Variants in NYAP2 observed in about 807,000 individuals in gnomAD.
The protein encoded by NYAP2 is neuronal tyrosine-phosphorylated phosphoinositide-3-kinase adaptor 2.
A neutral mutation model predicts 50.4 loss-of-function variants in NYAP2; 23 were observed. That is an observed-to-expected ratio of 0.46 (90% confidence interval 0.33 to 0.65). The LOEUF (loss-of-function observed/expected upper bound fraction) is 0.65, where lower values mean the gene tolerates loss of function less well. Among genes scored for constraint, NYAP2 ranks in the 30% least tolerant of loss-of-function variants. The probability of loss-of-function intolerance (pLI) is 0.02; values close to 1 mark genes in which losing one functional copy is unlikely to be tolerated. For missense variants in NYAP2, 885 were observed against 861.0 expected (o/e 1.03, Z -0.35); for synonymous variants, 394 against 365.2 (o/e 1.08, Z -0.90).
chr2:225,698,899 C>T, the NYAP2 span: 2 of 151,448 alleles, frequency 1.3e-5, no homozygotes, highest in Non-Finnish European at 2.9e-5. Context: ...ATATGTAATC[C>T]CTTGATGCCT....
chr2:225,638,669 G>A (rs1156543705), intron 6 of NYAP2, among the ~76,000 whole-genome samples: 1 of 152,122 alleles, frequency 6.6e-6, no homozygotes, highest in Admixed American at 6.5e-5. Flanking sequence ...ATCAGAGGAG[G>A]CCTTCAGGGA....
chr2:225,650,441 C>T (rs1693710593), intron 6 of NYAP2, among the ~76,000 whole-genome samples: 2 of 152,078 alleles, frequency 1.3e-5, no homozygotes, highest in South Asian at 2.1e-4. Context: ...ATTTTTAGGT[C>T]AAGTTTATAA....
intron 5 of NYAP2, among the ~76,000 whole-genome samples, chr2:225,607,185 A>G (rs1692800959): frequency 6.6e-6 from 1 of 152,064 alleles, no homozygotes; most frequent in Non-Finnish European, 1.5e-5. Context: ...AGAATTTAAG[A>G]TCCAGAAGGC....
intron 5 of NYAP2, among the ~76,000 whole-genome samples, chr2:225,620,694 A>G: frequency 6.6e-6 from 1 of 152,178 alleles, no homozygotes; most frequent in South Asian, 2.1e-4. Flanking sequence ...CCTAAAATTT[A>G]CTGAAGACTA....
chr2:225,671,905 C>T, the NYAP2 span, among the ~76,000 whole-genome samples: 1 of 151,070 alleles, frequency 6.6e-6, no homozygotes, highest in African/African-American at 2.4e-5. Context: ...GAAAGGAATT[C>T]TTTTTTTTTC....
At chr2:225,689,363 G>C in the NYAP2 span, among the ~76,000 whole-genome samples, 73 of 152,112 alleles carry the variant, frequency 4.8e-4, no homozygotes, top group Non-Finnish European at 8.5e-4. Context: ...TAATTGGTAA[G>C]GTAAGCAAGC....
chr2:225,491,362 G>T (rs983645664), intron 3 of NYAP2, among the ~76,000 whole-genome samples: 1 of 152,082 alleles, frequency 6.6e-6, no homozygotes, highest in African/African-American at 2.4e-5. Context: ...CCATCATTAG[G>T]CTTCTGGGTC....
intron 3 of NYAP2, among the ~76,000 whole-genome samples, chr2:225,485,460 T>C (rs1186326943): frequency 6.6e-6 from 1 of 152,184 alleles, no homozygotes; most frequent in Non-Finnish European, 1.5e-5. Context: ...CCCAGCAGCA[T>C]TTTTAGAAAG....
intron 3 of NYAP2, among the ~76,000 whole-genome samples, chr2:225,512,790 C>G (rs1690844859): frequency 8.3e-6 from 1 of 120,370 alleles, no homozygotes; most frequent in Non-Finnish European, 1.6e-5. Flanking sequence ...TTCCCTCTTT[C>G]CCTCCCTCCC....
At chr2:225,441,902 A>G (rs1426471508) in intron 3 of NYAP2, among the ~76,000 whole-genome samples, 2 of 152,202 alleles carry the variant, frequency 1.3e-5, no homozygotes, top group South Asian at 2.1e-4. Context: ...TACCTATGTC[A>G]TACATACCCA....
intron 3 of NYAP2, among the ~76,000 whole-genome samples, chr2:225,430,146 G>A (rs951677271): frequency 3.3e-5 from 5 of 151,720 alleles, no homozygotes; most frequent in Non-Finnish European, 7.4e-5. Context: ...TCTTTTAGAT[G>A]TAGAATACAA....
intron 3 of NYAP2, among the ~76,000 whole-genome samples, chr2:225,499,152 T>G (rs1160497658): frequency 6.6e-6 from 1 of 151,852 alleles, no homozygotes; most frequent in Non-Finnish European, 1.5e-5. Context: ...TAGGACAAAT[T>G]GGAAAAATGT....
exon 7 of NYAP2, chr2:225,653,896 G>C (rs1456881509): frequency 1.3e-5 from 2 of 152,162 alleles, no homozygotes; most frequent in African/African-American, 4.8e-5. Context: ...GCGGGCGCCT[G>C]TAGTCCCAGC....
chr2:225,647,870 T>C (rs1693660461), intron 6 of NYAP2, among the ~76,000 whole-genome samples: 1 of 152,096 alleles, frequency 6.6e-6, no homozygotes, highest in Non-Finnish European at 1.5e-5. Context: ...TATGGTTTGA[T>C]TAAAGTCCAT....
chr2:225,665,776 T>G, the NYAP2 span, among the ~76,000 whole-genome samples: 91 of 112,882 alleles, frequency 8.1e-4, no homozygotes, highest in Middle Eastern at 9.1e-3. Context: ...GCCATTGCAC[T>G]CCAGCCTGGG....
chr2:225,662,707 A>G, the NYAP2 span, among the ~76,000 whole-genome samples: 1 of 152,244 alleles, frequency 6.6e-6, no homozygotes, highest in Admixed American at 6.5e-5. Flanking sequence ...TATTTGAAGG[A>G]CCAAAAGGTG....
intron 5 of NYAP2, among the ~76,000 whole-genome samples, chr2:225,587,588 G>A (rs1157287767): frequency 1.3e-5 from 2 of 152,220 alleles, no homozygotes; most frequent in East Asian, 1.9e-4. Flanking sequence ...ATCCTCTGAG[G>A]TGTCTTCAGG....
chr2:225,683,657 C>T, the NYAP2 span, among the ~76,000 whole-genome samples: 1 of 152,060 alleles, frequency 6.6e-6, no homozygotes, highest in Non-Finnish European at 1.5e-5. Flanking sequence ...TGGGCCATGC[C>T]ACCTCATTTT....
chr2:225,531,194 G>A (rs200750344), intron 4 of NYAP2, among the ~76,000 whole-genome samples: 2 of 152,130 alleles, frequency 1.3e-5, no homozygotes, highest in East Asian at 3.8e-4. Context: ...CACACCTCCT[G>A]CCAACCATGC....
Sources: allele counts gnomAD v4.1 joint callset (sites outside exome capture counted in the v4.1 genomes callset), GRCh38; gene constraint gnomAD v4.1.1; transcripts MANE v1.5; gene names NCBI Gene and HGNC (gene_info 2026-07-23, HGNC 2026-07-21).